HHAT: variants seen among roughly 807,000 people sequenced by gnomAD.
HHAT encodes the protein protein-cysteine N-palmitoyltransferase HHAT.
In HHAT, 47 loss-of-function variants were observed where a neutral mutation model predicts 70.8. The ratio of observed to expected loss-of-function variants is 0.66; its 90% CI spans 0.53 to 0.85. HHAT has a LOEUF of 0.85. HHAT is among the 40% of genes least tolerant of loss of function. The pLI, the probability that HHAT is intolerant of heterozygous loss-of-function variation, is 0.00. For missense variants in HHAT, 609 were observed against 604.8 expected, an observed-to-expected ratio of 1.01 and a Z score of -0.07; for synonymous variants, 228 against 247.6, an observed-to-expected ratio of 0.92 and a Z score of 0.74.
chr1:210,567,162 A>T lies in HHAT; in HGVS notation c.1044-20736A>T, dbSNP rs566681261. Among the ~76,000 whole-genome samples, 3 of 152,322 alleles carry T rather than the reference A, an allele frequency of 2.0e-5. No homozygotes were observed. The South Asian group carries it at 6.2e-4, about 32-fold the overall frequency. On this transcript the variant is annotated intron_variant, in intron 9 of 11. Coordinates refer to ENST00000261458, the MANE Select transcript of HHAT (RefSeq NM_018194.6). ...GGGTGTCAGGGAACTCTACCATTTC[A>T]TCAAGAATAGTGCCCATTTTGAAAT...
intron 11 of HHAT, among the ~76,000 whole-genome samples, chr1:210,669,399 T>TA (rs2148980272): frequency 6.7e-6 from 1 of 149,932 alleles, no homozygotes; most frequent in South Asian, 2.2e-4. Context: ...GTAGTTATTA[T>TA]ACAGCTCACT....
intron 9 of HHAT, among the ~76,000 whole-genome samples, chr1:210,537,093 C>T (rs1299167061): frequency 6.6e-6 from 1 of 151,614 alleles, no homozygotes; most frequent in African/African-American, 2.4e-5. Flanking sequence ...CTGATACATC[C>T]TCACCCAACT....
intron 6 of HHAT, 124 bp downstream of exon 6, chr1:210,404,803 T>C (rs1192074343): frequency 1.5e-6 from 1 of 664,208 alleles, no homozygotes; most frequent in Non-Finnish European, 2.6e-6. Context: ...ACACATACTA[T>C]TAGTTCTCAT....
At chr1:210,518,516 G>C (rs1455672676) in intron 9 of HHAT, among the ~76,000 whole-genome samples, 1 of 152,130 alleles carries the variant, frequency 6.6e-6, no homozygotes. Context: ...TTTGGCCCCA[G>C]GCACGGTGGC....
chr1:210,366,529 T>C (rs994522778), intron 3 of HHAT, among the ~76,000 whole-genome samples: 2 of 152,054 alleles, frequency 1.3e-5, no homozygotes, highest in Non-Finnish European at 2.9e-5. Flanking sequence ...GACACAAGAA[T>C]TGCTTGAACC....
intron 9 of HHAT, among the ~76,000 whole-genome samples, chr1:210,545,311 A>G (rs1573205836): frequency 6.6e-6 from 1 of 151,536 alleles, no homozygotes; most frequent in South Asian, 2.1e-4. Flanking sequence ...TTGGATGCCC[A>G]TTTTCTCTTG....
intron 9 of HHAT, among the ~76,000 whole-genome samples, chr1:210,530,824 C>A (rs2095307184): frequency 1.3e-5 from 2 of 151,716 alleles, no homozygotes; most frequent in South Asian, 4.2e-4. Flanking sequence ...ATAATCTAGT[C>A]AATTCTTTTA....
rs544873829 is a variant in HHAT, at chr1:210,573,427, A to G, written c.1044-14471A>G. On this transcript the variant is annotated intron_variant, in intron 9 of 11. Transcript: ENST00000261458. ...GGAAGAGGTATTGTCGGGAAAGTTA[A>G]CCCAAGTAATCCAGCACAAAGGCCA... 5.3e-4 allele frequency among the ~76,000 whole-genome samples: 81 copies of G among 152,278 alleles called. No homozygotes were observed. The South Asian group carries it at 8.3e-3, about 16-fold the overall frequency.
At chr1:210,558,158 C>T (rs542135499) in intron 9 of HHAT, among the ~76,000 whole-genome samples, 1 of 152,278 alleles carries the variant, frequency 6.6e-6, no homozygotes, top group South Asian at 2.1e-4. Flanking sequence ...TTGAATTTCC[C>T]ATAACACCTA....
At chr1:210,457,156 C>G (rs2093886556) in intron 7 of HHAT, among the ~76,000 whole-genome samples, 2 of 152,172 alleles carry the variant, frequency 1.3e-5, no homozygotes, top group Non-Finnish European at 2.9e-5. Context: ...ACATTAGTTT[C>G]TCTTCCTCCT....
chr1:210,335,302 A>C (rs1390323383), intron 1 of HHAT, among the ~76,000 whole-genome samples: 1 of 137,834 alleles, frequency 7.3e-6, no homozygotes, highest in East Asian at 2.2e-4. Flanking sequence ...GATACAACTC[A>C]GCACCCATTC....
At chr1:210,386,347 T>G (rs1050007229) in intron 3 of HHAT, among the ~76,000 whole-genome samples, 6 of 144,328 alleles carry the variant, frequency 4.2e-5, no homozygotes, top group African/African-American at 1.5e-4. Context: ...CACGCCATTC[T>G]CCTGCCTCAG....
chr1:210,536,550 AC>A (rs1408674638), intron 9 of HHAT, among the ~76,000 whole-genome samples: 2 of 152,370 alleles, frequency 1.3e-5, no homozygotes, highest in Non-Finnish European at 2.9e-5. Context: ...TGTATCATTT[AC>A]AGTGGAGGTG....
intron 3 of HHAT, among the ~76,000 whole-genome samples, chr1:210,368,877 C>G (rs538206447): frequency 8.6e-5 from 13 of 151,868 alleles, no homozygotes; most frequent in African/African-American, 3.1e-4. Flanking sequence ...CAGGAGTCCA[C>G]GACCAGTCTG....
At chr1:210,611,819 C>T (rs939122473) in intron 10 of HHAT, among the ~76,000 whole-genome samples, 2 of 152,122 alleles carry the variant, frequency 1.3e-5, no homozygotes, top group South Asian at 4.2e-4. Flanking sequence ...TATTGATTTG[C>T]GTATGTGGAA....
intron 10 of HHAT, among the ~76,000 whole-genome samples, chr1:210,610,679 AT>A (rs1473308299): frequency 7.4e-6 from 1 of 135,700 alleles, no homozygotes; most frequent in East Asian, 3.5e-4. Context: ...TCCATCTTGA[AT>A]TAATTTTTTA....
chr1:210,488,867 G>A (rs2094511111), intron 8 of HHAT, among the ~76,000 whole-genome samples: 1 of 152,164 alleles, frequency 6.6e-6, no homozygotes, highest in East Asian at 1.9e-4. Context: ...CTCCAGCCTG[G>A]ACAACAGAGT....
chr1:210,526,827 A>G (rs2095256410), intron 9 of HHAT, among the ~76,000 whole-genome samples: 1 of 152,112 alleles, frequency 6.6e-6, no homozygotes, highest in South Asian at 2.1e-4. Flanking sequence ...TTAAATTTAA[A>G]CTACTGAAAT....
chr1:210,566,978 G>A (rs1424990105), intron 9 of HHAT, among the ~76,000 whole-genome samples: 2 of 152,208 alleles, frequency 1.3e-5, no homozygotes, highest in Non-Finnish European at 2.9e-5. Context: ...TTTGGGAGTC[G>A]CAGCCTCCCA....
Sources: gnomAD v4.1 joint callset for allele counts (sites outside exome capture counted in the v4.1 genomes callset) on GRCh38, gnomAD v4.1.1 for gene constraint, MANE v1.5 for transcripts, NCBI Gene and HGNC (gene_info 2026-07-23, HGNC 2026-07-21) for gene names.